Variants in CPOX observed in about 807,000 individuals in gnomAD.
The protein encoded by CPOX is coproporphyrinogen oxidase.
In CPOX, 24 loss-of-function variants were observed where a neutral mutation model predicts 48.9. The observed-to-expected ratio is 0.49, with a 90% confidence interval of 0.36 to 0.69. The LOEUF (loss-of-function observed/expected upper bound fraction) is 0.69. CPOX is among the 30% of genes least tolerant of loss of function. CPOX has a pLI of 0.00. For synonymous variants in CPOX, 249 were observed against 234.6 expected, an observed-to-expected ratio of 1.06 and a Z score of -0.56; for missense variants, 549 against 597.3, an observed-to-expected ratio of 0.92 and a Z score of 0.84.
At chr3:98,588,271 T>C (rs1707405589) in intron 4 of CPOX, among the ~76,000 whole-genome samples, 3 of 152,204 alleles carry the variant, frequency 2.0e-5, no homozygotes, top group Non-Finnish European at 4.4e-5. Flanking sequence ...CTTTAACAAA[T>C]TCTCCAATTC....
At position 98,581,394 on chromosome 3, in the gene CPOX, G is replaced by A. The variant is rs767712721; in HGVS notation, c.1277+13C>T. The A allele has an allele frequency of 1.3e-6, 2 of 1,587,890 alleles. No homozygotes were observed. Among genetic ancestry groups the A allele is most frequent in the Admixed American group, 3.3e-5 (2 of 59,972 alleles). ...AGTGTAGGGATAACTACTAAAATGA[G>A]TTATCTCCTTACCGGGCAGTTAGAG... On this transcript the variant is annotated intron_variant, in intron 6 of 6. Transcript: ENST00000647941.
chr3:98,585,436 C>T lies in CPOX; in HGVS notation c.1172+5G>A. On this transcript the variant is annotated splice_donor_5th_base_variant and intron_variant, in intron 5 of 6. Coordinates refer to ENST00000647941, the MANE Select transcript of CPOX (RefSeq NM_000097.7). Reference sequence around the variant, plus strand: ...CATGAAAGAATTCGTTTTCCAGTCACTTACCGTCCTCTTCTGAGCTGCTGC... The same window carrying T: ...CATGAAAGAATTCGTTTTCCAGTCATTTACCGTCCTCTTCTGAGCTGCTGC... 1.2e-6 allele frequency: 2 copies of T among 1,613,322 alleles called. No homozygotes were observed. The highest frequency in any genetic ancestry group is 1.1e-5 in the South Asian group (1 of 91,004).
At chr3:98,576,204 A>AT (rs780168625), downstream of CPOX, among the ~76,000 whole-genome samples, 1 of 152,156 alleles carries the variant, frequency 6.6e-6, no homozygotes, top group East Asian at 1.9e-4. Context: ...TAATTGACTC[A>AT]TAGTTCAGCA....
downstream of CPOX, among the ~76,000 whole-genome samples, chr3:98,578,023 C>T (rs1707187745): frequency 6.6e-6 from 1 of 152,166 alleles, no homozygotes; most frequent in Non-Finnish European, 1.5e-5. Flanking sequence ...TAAAAATTTG[C>T]TCCAGAGAAT....
downstream of CPOX, among the ~76,000 whole-genome samples, chr3:98,577,276 G>C (rs891050701): frequency 2.6e-5 from 4 of 152,180 alleles, no homozygotes; most frequent in Admixed American, 2.6e-4. Flanking sequence ...ATGTCAGACT[G>C]ACTTTAGAAT....
rs947163287 is a variant in CPOX at position 98,579,574 on chromosome 3, T to C, written c.*1109A>G. Reference sequence around the variant, plus strand: ...TTCAACGTGTTCCACGATAATGATATGTATGAGATGCTCTTCCTTATAAAC... The same window carrying C: ...TTCAACGTGTTCCACGATAATGATACGTATGAGATGCTCTTCCTTATAAAC... On this transcript the variant is annotated 3_prime_UTR_variant, in exon 7 of 7. Coordinates refer to ENST00000647941, the MANE Select transcript of CPOX (RefSeq NM_000097.7). 9.1e-6 allele frequency: 9 copies of C among 985,276 alleles called. No homozygotes were observed. In the African/African-American group the frequency reaches 1.2e-4, roughly 13 times the overall value. 61.0% of individuals were successfully genotyped at this position (985,276 alleles called of 1,614,324 possible).
At chr3:98,590,457 A>C (rs889709120) in intron 3 of CPOX, 175 bp downstream of exon 3, 2 of 667,900 alleles carry the variant, frequency 3.0e-6, no homozygotes, top group Non-Finnish European at 5.5e-6. Flanking sequence ...CCCCATTCTT[A>C]CTTGTCATGT....
chr3:98,572,319 G>C, the CPOX span, among the ~76,000 whole-genome samples: 5 of 152,106 alleles, frequency 3.3e-5, no homozygotes, highest in East Asian at 9.6e-4. Context: ...CATAATGGCT[G>C]ATATGAGTAT....
At position 98,593,478 on chromosome 3, in the gene CPOX, G is replaced by A; in HGVS notation, c.27C>T (p.Ser9=). 3 of 1,516,402 alleles carry A rather than the reference G, an allele frequency of 2.0e-6. No individual in the cohort carries two copies. Among genetic ancestry groups the A allele is most frequent in the Non-Finnish European group, 2.6e-6 (3 of 1,138,866 alleles). The allele number at this position is 1,516,402 out of a possible 1,614,324, so 93.9% of individuals were successfully genotyped here. ...GCGCCACGAGCCAGCAGGGGCCCGAGCTCAGCCTGCCCAGCTGCAAGGCCA... is the reference window on the plus strand; with the variant it reads ...GCGCCACGAGCCAGCAGGGGCCCGAACTCAGCCTGCCCAGCTGCAAGGCCA... MALQLGRL[S]SGPCWLVARG... The change falls in exon 1 of 7, where the codon AGC becomes AGT. Residue 9 remains serine, a synonymous_variant. Transcript: ENST00000647941.
Position 98,580,515 on chromosome 3 carries a change from C to A in CPOX, c.*168G>T. On this transcript the variant is annotated 3_prime_UTR_variant, in exon 7 of 7. Coordinates refer to ENST00000647941, the MANE Select transcript of CPOX (RefSeq NM_000097.7). Reference sequence around the variant, plus strand: ...TCTGACAATCTGCCATCTCACCATTCATCACTGACAGCATCCAAAACATGT... The same window carrying A: ...TCTGACAATCTGCCATCTCACCATTAATCACTGACAGCATCCAAAACATGT... 1 of 1,464,882 alleles carries A rather than the reference C, an allele frequency of 6.8e-7. No homozygotes were observed. 90.7% of individuals were successfully genotyped at this position (1,464,882 alleles called of 1,614,324 possible).
At chr3:98,574,374 T>C in the CPOX span, among the ~76,000 whole-genome samples, 1 of 152,140 alleles carries the variant, frequency 6.6e-6, no homozygotes, top group Admixed American at 6.5e-5. Flanking sequence ...CTCTTGCTGT[T>C]TGGGGAGATA....
At chr3:98,591,684 A>G (rs939475947) in intron 1 of CPOX, among the ~76,000 whole-genome samples, 4 of 152,252 alleles carry the variant, frequency 2.6e-5, no homozygotes, top group Non-Finnish European at 5.9e-5. Flanking sequence ...ATTCACGTGT[A>G]TCAGCCTTAC....
chr3:98,571,465 G>T, the CPOX span, among the ~76,000 whole-genome samples: 1 of 151,838 alleles, frequency 6.6e-6, no homozygotes, highest in African/African-American at 2.4e-5. Flanking sequence ...GAGGCGGGCG[G>T]ATCACGAGGT....
chr3:98,571,446 T>C, the CPOX span, among the ~76,000 whole-genome samples: 3 of 151,988 alleles, frequency 2.0e-5, no homozygotes, highest in Non-Finnish European at 2.9e-5. Context: ...CCCAGCACTT[T>C]GGGAGGCCGA....
At chr3:98,583,195 T>C (rs1218158128) in intron 5 of CPOX, among the ~76,000 whole-genome samples, 1 of 152,200 alleles carries the variant, frequency 6.6e-6, no homozygotes, top group South Asian at 2.1e-4. Flanking sequence ...TTTCTCTACA[T>C]TGGCCTCTCT....
At chr3:98,576,232 G>A (rs1252169480), downstream of CPOX, among the ~76,000 whole-genome samples, 1 of 152,186 alleles carries the variant, frequency 6.6e-6, no homozygotes, top group Non-Finnish European at 1.5e-5. Flanking sequence ...GAGGCCTCAG[G>A]AAACTTACAA....
chr3:98,575,201 A>C (rs1707141887), downstream of CPOX, among the ~76,000 whole-genome samples: 2 of 152,204 alleles, frequency 1.3e-5, no homozygotes, highest in Non-Finnish European at 2.9e-5. Context: ...CAACCATCTC[A>C]TAAGAAAACA....
rs1382298458 is a variant in CPOX at position 98,580,443 on chromosome 3, T to A, written c.*240A>T. ...CTCAATGTCCTATTTTGTAAACTAG[T>A]CATATAAAATGACACTAGAAGTATA... On this transcript the variant is annotated 3_prime_UTR_variant, in exon 7 of 7. Coordinates refer to ENST00000647941, the MANE Select transcript of CPOX (RefSeq NM_000097.7). 3 of 1,334,770 alleles carry A rather than the reference T, an allele frequency of 2.2e-6. No individual in the cohort carries two copies. The African/African-American group carries it at 4.4e-5, about 20-fold the overall frequency. The allele number at this position is 1,334,770 out of a possible 1,614,324, so 82.7% of individuals were successfully genotyped here. A position where few individuals can be genotyped will look rare whatever the true frequency, so the allele number is the denominator to read the frequency against.
intron 4 of CPOX, 175 bp from the exon 5 acceptor site, chr3:98,585,834 A>AT: frequency 1.5e-6 from 1 of 663,742 alleles, no homozygotes; most frequent in Non-Finnish European, 2.7e-6. Context: ...TTTTTTGCAG[A>AT]TATCACCAAG....
Sources: allele counts gnomAD v4.1 joint callset (sites outside exome capture counted in the v4.1 genomes callset), GRCh38; gene constraint gnomAD v4.1.1; transcripts MANE v1.5; gene names NCBI Gene and HGNC (gene_info 2026-07-23, HGNC 2026-07-21).